Variants in DLC1 observed in about 807,000 individuals in gnomAD.
DLC1 encodes rho GTPase-activating protein 7.
DLC1 carries 54 observed loss-of-function variants against 140.3 expected under a neutral mutation model. The observed-to-expected ratio is 0.38, with a 90% CI of 0.31 to 0.48. The LOEUF (loss-of-function observed/expected upper bound fraction) is 0.48. Ranked by LOEUF, DLC1 falls within the 20% of genes least tolerant of loss-of-function variation. The pLI is 0.96. For synonymous variants in DLC1, 986 were observed against 728.1 expected, an observed-to-expected ratio of 1.35 and a Z score of -5.70; for missense variants, 2,536 against 1,907.0, an observed-to-expected ratio of 1.33 and a Z score of -6.14.
intron 2 of DLC1, among the ~76,000 whole-genome samples, chr8:13,491,099 ATT>A (rs1455238346): frequency 2.7e-5 from 4 of 147,476 alleles, no homozygotes; most frequent in African/African-American, 4.9e-5. Flanking sequence ...CAAATTTAAT[ATT>A]TTTTATATAT....
intron 1 of DLC1, among the ~76,000 whole-genome samples, chr8:13,580,374 G>C (rs1805050041): frequency 6.6e-6 from 1 of 152,180 alleles, no homozygotes; most frequent in South Asian, 2.1e-4. Flanking sequence ...GCCCGCGTCG[G>C]ACTCCCAAAG....
chr8:13,297,664 C>A (rs1355731030), intron 5 of DLC1, among the ~76,000 whole-genome samples: 1 of 152,148 alleles, frequency 6.6e-6, no homozygotes, highest in African/African-American at 2.4e-5. Context: ...CAGATCCATA[C>A]TAAAATGAAG....
intron 1 of DLC1, among the ~76,000 whole-genome samples, chr8:13,550,252 G>C (rs1803800014): frequency 6.6e-6 from 1 of 152,036 alleles, no homozygotes; most frequent in African/African-American, 2.4e-5. Context: ...TTTAAAAATG[G>C]CAGTTTTTTT....
intron 13 of DLC1, 138 bp from the exon 14 acceptor site, chr8:13,091,570 G>T: frequency 1.5e-6 from 1 of 661,964 alleles, no homozygotes; most frequent in Non-Finnish European, 2.5e-6. Context: ...GATTAAGAGT[G>T]TTTTTACTTT....
At chr8:13,099,077 A>T (rs1430042070) in intron 9 of DLC1, among the ~76,000 whole-genome samples, 2 of 128,042 alleles carry the variant, frequency 1.6e-5, no homozygotes, top group Non-Finnish European at 3.9e-5. Flanking sequence ...TTAAATGTGC[A>T]GTTGAGTGGC....
At chr8:13,565,635 A>AT (rs1804401414) in intron 1 of DLC1, among the ~76,000 whole-genome samples, 1 of 152,156 alleles carries the variant, frequency 6.6e-6, no homozygotes, top group African/African-American at 2.4e-5. Context: ...CAGAATGAAC[A>AT]TTTGGGGAAT....
intron 16 of DLC1, among the ~76,000 whole-genome samples, 180 bp downstream of exon 16, chr8:13,088,307 G>C (rs573768450): frequency 6.6e-6 from 1 of 152,156 alleles, no homozygotes; most frequent in Non-Finnish European, 1.5e-5. Flanking sequence ...GTCTTGAACT[G>C]CTGGCCTCAA....
At chr8:13,401,657 C>G in intron 2 of DLC1, 38 bp from the exon 3 acceptor site, 5 of 1,589,926 alleles carry the variant, frequency 3.1e-6, no homozygotes, top group Non-Finnish European at 4.3e-6. Flanking sequence ...ATCTGAAAGG[C>G]CATTTCTTAA....
chr8:13,150,010 T>C (rs977236253), intron 5 of DLC1, among the ~76,000 whole-genome samples: 8 of 152,236 alleles, frequency 5.3e-5, no homozygotes, highest in Admixed American at 1.3e-4. Context: ...TGGGCCAGTA[T>C]TACATCAGCC....
At chr8:13,382,943 C>A (rs190236328) in intron 4 of DLC1, among the ~76,000 whole-genome samples, 101 of 152,156 alleles carry the variant, frequency 6.6e-4, no homozygotes, top group African/African-American at 2.1e-3. Context: ...ATGGAGTGAG[C>A]CCTAATAAGA....
chr8:13,356,728 C>A (rs7840198), intron 4 of DLC1, among the ~76,000 whole-genome samples: 9,452 of 152,216 alleles, frequency 0.062, 372 homozygotes, highest in Non-Finnish European at 0.086. Flanking sequence ...TTCCAAATTT[C>A]ATTTCTGAAA....
intron 7 of DLC1, among the ~76,000 whole-genome samples, chr8:13,103,519 T>C (rs1166893625): frequency 2.0e-5 from 3 of 151,950 alleles, no homozygotes; most frequent in African/African-American, 7.3e-5. Context: ...TGAGCCATTA[T>C]GGACTGCCGC....
At chr8:13,378,273 A>G (rs1387546215) in intron 4 of DLC1, among the ~76,000 whole-genome samples, 1 of 151,172 alleles carries the variant, frequency 6.6e-6, no homozygotes. Context: ...GTAAAAGTCT[A>G]CCTGTCCTAT....
intron 1 of DLC1, among the ~76,000 whole-genome samples, chr8:13,509,806 T>G (rs771280624): frequency 7.7e-6 from 1 of 129,438 alleles, no homozygotes; most frequent in Non-Finnish European, 1.6e-5. Flanking sequence ...GTGAAATAAC[T>G]TTTTTCCCCC....
At chr8:13,386,528 G>A (rs1836526982) in intron 4 of DLC1, among the ~76,000 whole-genome samples, 1 of 152,066 alleles carries the variant, frequency 6.6e-6, no homozygotes, top group Non-Finnish European at 1.5e-5. Flanking sequence ...TCACAGACAA[G>A]ACTGTCTTGA....
At chr8:13,213,816 C>T (rs1048718120) in intron 5 of DLC1, among the ~76,000 whole-genome samples, 13 of 151,856 alleles carry the variant, frequency 8.6e-5, no homozygotes, top group African/African-American at 3.1e-4. Flanking sequence ...CAGGGTCTCC[C>T]TCTGTTGCCC....
At chr8:13,134,106 A>C (rs1822369335) in intron 5 of DLC1, among the ~76,000 whole-genome samples, 1 of 152,188 alleles carries the variant, frequency 6.6e-6, no homozygotes, top group Admixed American at 6.5e-5. Flanking sequence ...CAACTTTTAC[A>C]AGCTCTCAGA....
Position 13,393,649 on chromosome 8 carries a change from T to G in DLC1, c.1218A>C (p.Val406=). Residue 406 remains valine, a synonymous_variant, in exon 4 of 18, where the codon GTA becomes GTC. Coordinates refer to ENST00000276297, the MANE Select transcript of DLC1 (RefSeq NM_182643.3). ...AAGACAAATTTACTCGTGTCTGATTTACTGAAATGGTATCTGCTCCACTTT... is the reference window on the plus strand; with the variant it reads ...AAGACAAATTTACTCGTGTCTGATTGACTGAAATGGTATCTGCTCCACTTT... ...GSESGADTIS[V]NQTRVNLSSD... 1.2e-6 allele frequency: 2 copies of G among 1,614,160 alleles called. No homozygotes were observed. Among genetic ancestry groups the G allele is most frequent in the Non-Finnish European group, 1.7e-6 (2 of 1,180,034 alleles).
intron 7 of DLC1, among the ~76,000 whole-genome samples, chr8:13,103,996 ATTAGTT>A (rs1442190891): frequency 6.6e-6 from 1 of 152,208 alleles, no homozygotes; most frequent in Non-Finnish European, 1.5e-5. Flanking sequence ...AATTTAAAAA[ATTAGTT>A]TTAGTTATCT....
Sources: allele counts gnomAD v4.1 joint callset (sites outside exome capture counted in the v4.1 genomes callset), GRCh38; gene constraint gnomAD v4.1.1; transcripts MANE v1.5; gene names NCBI Gene and HGNC (gene_info 2026-07-23, HGNC 2026-07-21).